The following WDPCP variants were observed in gnomAD, a reference collection of about 807,000 sequenced individuals.
The protein encoded by WDPCP is WD repeat-containing and planar cell polarity effector protein fritz homolog.
Under a neutral mutation model 93.1 loss-of-function variants are expected in WDPCP, and 71 were observed. The observed-to-expected ratio is 0.76, with a 90% CI of 0.63 to 0.93. The LOEUF (loss-of-function observed/expected upper bound fraction) is 0.93, where lower values mean the gene tolerates loss of function less well. Among genes scored for constraint, WDPCP ranks in the 40% least tolerant of loss-of-function variants. The pLI is 0.00. For synonymous variants in WDPCP, 315 were observed against 315.0 expected (o/e 1.00, Z 0.00); for missense variants, 844 against 887.4 (o/e 0.95, Z 0.62).
intron 6 of WDPCP, among the ~76,000 whole-genome samples, chr2:63,443,438 C>T (rs1288936575): frequency 1.3e-5 from 2 of 152,074 alleles, no homozygotes; most frequent in Admixed American, 6.6e-5. Context: ...AAAAGGAGTT[C>T]GAGGCAGAGA....
chr2:63,837,178 C>T, the WDPCP span, among the ~76,000 whole-genome samples: 32 of 152,342 alleles, frequency 2.1e-4, no homozygotes, highest in African/African-American at 7.2e-4. Flanking sequence ...AAGTCTTTCT[C>T]TTCCTCAAGT....
At chr2:63,437,232 C>A (rs561701447) in intron 8 of WDPCP, among the ~76,000 whole-genome samples, 189 bp downstream of exon 8, 2 of 151,946 alleles carry the variant, frequency 1.3e-5, no homozygotes, top group Admixed American at 6.6e-5. Context: ...AGACAACCCC[C>A]CATAGTGAGA....
chr2:63,679,182 A>G (rs528975398), intron 2 of WDPCP, among the ~76,000 whole-genome samples: 3 of 152,176 alleles, frequency 2.0e-5, no homozygotes, highest in Non-Finnish European at 4.4e-5. Context: ...CTTTTAATCA[A>G]ATATATACTT....
chr2:63,434,835 A>T (rs1332302813), intron 8 of WDPCP, among the ~76,000 whole-genome samples: 1 of 152,094 alleles, frequency 6.6e-6, no homozygotes, highest in Non-Finnish European at 1.5e-5. Flanking sequence ...CCTGTCTGCA[A>T]GGCAACAAAG....
chr2:63,202,517 AT>A (rs1304828965), intron 14 of WDPCP, among the ~76,000 whole-genome samples: 2 of 151,866 alleles, frequency 1.3e-5, no homozygotes, highest in African/African-American at 2.4e-5. Flanking sequence ...TTCCTCCATA[AT>A]TTTTTTCCAC....
chr2:63,822,431 GATTT>G (rs1265766148), intron 1 of WDPCP, among the ~76,000 whole-genome samples: 1 of 152,040 alleles, frequency 6.6e-6, no homozygotes, highest in African/African-American at 2.4e-5. Flanking sequence ...CAGCTTTGGA[GATTT>G]ATTTTAAAAC....
chr2:63,472,700 C>T (rs1301315034), intron 6 of WDPCP, among the ~76,000 whole-genome samples: 2 of 152,084 alleles, frequency 1.3e-5, no homozygotes, highest in African/African-American at 2.4e-5. Context: ...GCTGGGATTA[C>T]AGGTGTGTGC....
At chr2:63,503,073 C>T (rs763797861) in intron 1 of WDPCP, among the ~76,000 whole-genome samples, 2 of 152,158 alleles carry the variant, frequency 1.3e-5, no homozygotes, top group Non-Finnish European at 2.9e-5. Flanking sequence ...CTTTTAAAAT[C>T]TTTTGTTTTA....
chr2:63,436,865 G>A (rs1235616453), intron 8 of WDPCP, among the ~76,000 whole-genome samples: 1 of 152,056 alleles, frequency 6.6e-6, no homozygotes, highest in Non-Finnish European at 1.5e-5. Context: ...TCCTGATACA[G>A]GAAGGAAACA....
intron 1 of WDPCP, among the ~76,000 whole-genome samples, chr2:63,495,017 G>A (rs1045324860): frequency 1.3e-5 from 2 of 151,932 alleles, no homozygotes; most frequent in Non-Finnish European, 2.9e-5. Context: ...AGGGTAAGGA[G>A]GAAACAGGCT....
chr2:63,431,599 T>C (rs1419613606), intron 9 of WDPCP, among the ~76,000 whole-genome samples: 2 of 151,558 alleles, frequency 1.3e-5, no homozygotes, highest in Non-Finnish European at 2.9e-5. Flanking sequence ...ACTACTTTAA[T>C]AGACTGGTAC....
At chr2:63,604,338 A>C (rs1315633698) in intron 3 of WDPCP, among the ~76,000 whole-genome samples, 1 of 152,252 alleles carries the variant, frequency 6.6e-6, no homozygotes, top group Non-Finnish European at 1.5e-5. Flanking sequence ...TAACAGTGAA[A>C]CAAAAGATCA....
intron 3 of WDPCP, among the ~76,000 whole-genome samples, chr2:63,602,122 CAA>C (rs1311553901): frequency 1.3e-5 from 2 of 152,132 alleles, no homozygotes; most frequent in Non-Finnish European, 2.9e-5. Context: ...TTAGATCGGT[CAA>C]AAGTGATTTA....
intron 12 of WDPCP, among the ~76,000 whole-genome samples, chr2:63,323,634 G>A (rs1687294536): frequency 6.6e-6 from 1 of 152,150 alleles, no homozygotes; most frequent in African/African-American, 2.4e-5. Context: ...TATAGGACAT[G>A]GTTAAGGTCC....
chr2:63,586,654 G>A (rs571324879), intron 1 of WDPCP, among the ~76,000 whole-genome samples: 1 of 152,282 alleles, frequency 6.6e-6, no homozygotes, highest in Admixed American at 6.5e-5. Flanking sequence ...TCCTTAACCT[G>A]ATTTACAAGG....
intron 2 of WDPCP, among the ~76,000 whole-genome samples, chr2:63,701,991 C>T (rs1038533990): frequency 2.0e-5 from 3 of 152,074 alleles, no homozygotes; most frequent in East Asian, 1.9e-4. Context: ...AATAATTAGA[C>T]GAGAATAATT....
At chr2:63,555,396 G>A (rs537735464) in intron 1 of WDPCP, among the ~76,000 whole-genome samples, 11 of 58,016 alleles carry the variant, frequency 1.9e-4, no homozygotes, top group African/African-American at 9.2e-4. Flanking sequence ...GTAGATCAGC[G>A]GACTTAGTTT....
At chr2:63,190,343 G>A (rs529570545) in intron 14 of WDPCP, among the ~76,000 whole-genome samples, 56 of 151,338 alleles carry the variant, frequency 3.7e-4, no homozygotes, top group African/African-American at 1.2e-3. Flanking sequence ...TGAATGGGAG[G>A]AGCACCTGAC....
At chr2:63,794,044 A>T (rs1307176910) in intron 2 of WDPCP, among the ~76,000 whole-genome samples, 1 of 152,196 alleles carries the variant, frequency 6.6e-6, no homozygotes, top group Non-Finnish European at 1.5e-5. Flanking sequence ...TAGGTGAAAG[A>T]TGTTAGATAC....
Sources: allele counts gnomAD v4.1 joint callset (sites outside exome capture counted in the v4.1 genomes callset), GRCh38; gene constraint gnomAD v4.1.1; transcripts MANE v1.5; gene names NCBI Gene and HGNC (gene_info 2026-07-23, HGNC 2026-07-21).